Variants in MDGA2 observed in about 807,000 individuals in gnomAD.
MDGA2 encodes the protein MAM domain containing glycosylphosphatidylinositol anchor 2, also known as MAM domain-containing glycosylphosphatidylinositol anchor protein 2.
In MDGA2, 40 loss-of-function variants were observed where a neutral mutation model predicts 117.8. The observed-to-expected ratio is 0.34, with a 90% CI of 0.26 to 0.44. MDGA2 has a LOEUF of 0.44. MDGA2 is among the 20% of genes least tolerant of loss of function. The pLI, the probability that MDGA2 is intolerant of heterozygous loss-of-function variation, is 1.00. For synonymous variants in MDGA2, 452 were observed against 439.0 expected, an observed-to-expected ratio of 1.03 and a Z score of -0.37; for missense variants, 1,123 against 1,250.6, an observed-to-expected ratio of 0.90 and a Z score of 1.54.
chr14:47,228,205 T>C (rs1446504054), intron 2 of MDGA2, among the ~76,000 whole-genome samples: 8 of 152,174 alleles, frequency 5.3e-5, no homozygotes, highest in Non-Finnish European at 1.5e-5. Context: ...CTTTAAAACA[T>C]GTTTCATAAC....
At chr14:47,381,477 A>C (rs1437055415) in intron 1 of MDGA2, among the ~76,000 whole-genome samples, 3 of 152,212 alleles carry the variant, frequency 2.0e-5, no homozygotes, top group African/African-American at 7.2e-5. Context: ...GTCTCAGCCC[A>C]AAATCTCCTT....
chr14:46,867,090 C>A (rs576366072), intron 14 of MDGA2, among the ~76,000 whole-genome samples: 2 of 152,254 alleles, frequency 1.3e-5, no homozygotes, highest in East Asian at 3.9e-4. Context: ...GACGCATGCA[C>A]ATGTATGTTT....
chr14:47,619,239 T>A (rs1258454576), intron 1 of MDGA2, among the ~76,000 whole-genome samples: 2 of 151,546 alleles, frequency 1.3e-5, no homozygotes, highest in African/African-American at 4.9e-5. Flanking sequence ...AACTAGACAA[T>A]CATAAATAGT....
At chr14:47,029,165 ATAT>A (rs1167907288) in intron 8 of MDGA2, among the ~76,000 whole-genome samples, 1 of 152,060 alleles carries the variant, frequency 6.6e-6, no homozygotes, top group Non-Finnish European at 1.5e-5. Flanking sequence ...CAGGTTCATG[ATAT>A]TATGCTTTTG....
intron 6 of MDGA2, among the ~76,000 whole-genome samples, chr14:47,087,213 T>G (rs1890932534): frequency 6.6e-6 from 1 of 152,060 alleles, no homozygotes; most frequent in African/African-American, 2.4e-5. Context: ...CATTTTGCTC[T>G]TATAGAATTA....
At chr14:47,040,034 C>A (rs1464261093) in intron 7 of MDGA2, among the ~76,000 whole-genome samples, 1 of 151,966 alleles carries the variant, frequency 6.6e-6, no homozygotes, top group African/African-American at 2.4e-5. Flanking sequence ...CAAATATATA[C>A]AATAAAATTT....
intron 1 of MDGA2, among the ~76,000 whole-genome samples, chr14:47,670,382 G>A (rs965793140): frequency 3.3e-5 from 5 of 152,096 alleles, no homozygotes; most frequent in Admixed American, 2.0e-4. Flanking sequence ...GAAATTAAAG[G>A]CATGATGACC....
At chr14:46,949,839 A>G (rs1885305919) in intron 9 of MDGA2, among the ~76,000 whole-genome samples, 1 of 151,828 alleles carries the variant, frequency 6.6e-6, no homozygotes, top group African/African-American at 2.4e-5. Context: ...TTTTTTATAT[A>G]ATTATTTCTT....
At chr14:47,173,631 A>C (rs1370612071) in intron 3 of MDGA2, among the ~76,000 whole-genome samples, 4 of 152,198 alleles carry the variant, frequency 2.6e-5, no homozygotes, top group Non-Finnish European at 4.4e-5. Flanking sequence ...GCCTGCCCTA[A>C]AAGAGCTCCT....
chr14:47,404,802 A>AT (rs1566771523), intron 1 of MDGA2, among the ~76,000 whole-genome samples: 2 of 152,108 alleles, frequency 1.3e-5, no homozygotes, highest in African/African-American at 4.8e-5. Context: ...CCTACCTATC[A>AT]TTTTTAAGCT....
chr14:47,324,374 T>C (rs567800535), intron 1 of MDGA2, among the ~76,000 whole-genome samples: 17 of 152,300 alleles, frequency 1.1e-4, no homozygotes, highest in Admixed American at 7.8e-4. Context: ...TGCACCAGAA[T>C]CACTGGAAAT....
At chr14:47,537,125 C>T (rs1417540416) in intron 1 of MDGA2, among the ~76,000 whole-genome samples, 1 of 152,034 alleles carries the variant, frequency 6.6e-6, no homozygotes, top group African/African-American at 2.4e-5. Flanking sequence ...AGAACTGTAG[C>T]ATCTAGAAAT....
At chr14:47,075,428 C>T (rs1054375481) in intron 6 of MDGA2, among the ~76,000 whole-genome samples, 1 of 152,118 alleles carries the variant, frequency 6.6e-6, no homozygotes, top group Non-Finnish European at 1.5e-5. Context: ...GAAGCTATTA[C>T]CAAGTAGTCA....
intron 7 of MDGA2, among the ~76,000 whole-genome samples, chr14:47,040,789 T>A (rs61992830): frequency 0.2 from 30,460 of 152,134 alleles, 3,116 homozygotes; most frequent in Admixed American, 0.29. Context: ...ATTTAACCTG[T>A]CCTTGTGACT....
intron 1 of MDGA2, among the ~76,000 whole-genome samples, chr14:47,304,233 T>C (rs930263613): frequency 2.0e-5 from 3 of 152,198 alleles, no homozygotes; most frequent in African/African-American, 4.8e-5. Context: ...AGAGTTCATA[T>C]AGGTCAGCAC....
chr14:47,159,310 A>G (rs140991072), intron 3 of MDGA2, among the ~76,000 whole-genome samples: 99 of 152,300 alleles, frequency 6.5e-4, no homozygotes, highest in African/African-American at 2.3e-3. Flanking sequence ...GAATTTTAAT[A>G]TAACACTTAA....
chr14:47,667,809 A>C (rs1275368700), intron 1 of MDGA2, among the ~76,000 whole-genome samples: 1 of 152,128 alleles, frequency 6.6e-6, no homozygotes, highest in Non-Finnish European at 1.5e-5. Flanking sequence ...TTCACATTAC[A>C]ACAAAACAAG....
rs191152375 is a variant in MDGA2 at position 47,422,505 on chromosome 14, T to C, written c.281-120955A>G. ...TCCCGAAATTCAAGCTAAGAACCAT[T>C]TAAAAGCAAGGATCAAGTGAAAAAG... On this transcript the variant is annotated intron_variant, in intron 1 of 16. Transcript: ENST00000399232. 5.7e-4 allele frequency among the ~76,000 whole-genome samples: 87 copies of C among 152,290 alleles called. 1 individual carries two copies. The highest frequency in any genetic ancestry group is 1.0e-4 in the Non-Finnish European group (7 of 68,022).
At chr14:47,314,880 G>A (rs1889757790) in intron 1 of MDGA2, among the ~76,000 whole-genome samples, 1 of 152,032 alleles carries the variant, frequency 6.6e-6, no homozygotes, top group Non-Finnish European at 1.5e-5. Context: ...GACATGACGA[G>A]AAATCCATAA....
Sources: allele counts gnomAD v4.1 joint callset (sites outside exome capture counted in the v4.1 genomes callset), GRCh38; gene constraint gnomAD v4.1.1; transcripts MANE v1.5; gene names NCBI Gene and HGNC (gene_info 2026-07-23, HGNC 2026-07-21).